CCSER1: variants seen among roughly 807,000 people sequenced by gnomAD.
The protein encoded by CCSER1 is serine-rich coiled-coil domain-containing protein 1.
CCSER1 carries 41 observed loss-of-function variants against 82.0 expected under a neutral mutation model. The ratio of observed to expected loss-of-function variants is 0.50; its 90% confidence interval spans 0.39 to 0.65. CCSER1 has a LOEUF of 0.65. CCSER1 is among the 30% of genes least tolerant of loss of function. CCSER1 has a pLI of 0.00. For missense variants in CCSER1, 1,119 were observed against 1,064.2 expected (o/e 1.05, Z -0.72); for synonymous variants, 414 against 383.9 (o/e 1.08, Z -0.92).
intron 10 of CCSER1, among the ~76,000 whole-genome samples, chr4:91,596,204 T>TATTCA (rs1196165234): frequency 2.0e-5 from 3 of 151,992 alleles, no homozygotes; most frequent in Non-Finnish European, 4.4e-5. Flanking sequence ...TAAAACTGTA[T>TATTCA]ATTCAATTTA....
chr4:91,506,145 T>C (rs759576349), intron 10 of CCSER1, among the ~76,000 whole-genome samples: 2 of 152,216 alleles, frequency 1.3e-5, no homozygotes, highest in Non-Finnish European at 2.9e-5. Context: ...TTCAGTTTTC[T>C]GCATATGGCT....
chr4:90,369,643 A>G (rs1362255544), intron 3 of CCSER1, among the ~76,000 whole-genome samples: 1 of 152,030 alleles, frequency 6.6e-6, no homozygotes, highest in Non-Finnish European at 1.5e-5. Context: ...TTGGGAGTGT[A>G]CTAATATAAA....
intron 9 of CCSER1, among the ~76,000 whole-genome samples, chr4:90,938,222 CTT>C (rs985151484): frequency 6.6e-6 from 1 of 151,794 alleles, no homozygotes; most frequent in African/African-American, 2.4e-5. Context: ...TCTGTTGAAA[CTT>C]TGTGTTTATT....
intron 10 of CCSER1, among the ~76,000 whole-genome samples, chr4:91,392,041 T>C (rs1422755407): frequency 6.6e-6 from 1 of 152,128 alleles, no homozygotes; most frequent in Non-Finnish European, 1.5e-5. Flanking sequence ...GCAATTGTAC[T>C]CTATTTGTAG....
chr4:91,235,913 A>ATTAATAGTAATT (rs1560534950), intron 10 of CCSER1, among the ~76,000 whole-genome samples: 5 of 152,232 alleles, frequency 3.3e-5, no homozygotes. Flanking sequence ...CATAATTACT[A>ATTAATAGTAATT]TTAATAGGAT....
chr4:90,710,687 A>G (rs995100171), intron 6 of CCSER1, among the ~76,000 whole-genome samples: 2 of 151,952 alleles, frequency 1.3e-5, no homozygotes, highest in East Asian at 1.9e-4. Flanking sequence ...TCATTGGTCT[A>G]TGTGTCTGTT....
In CCSER1 at chr4:91,467,711, C is replaced by G. The variant is rs540540998; in HGVS notation, c.2218-130861C>G. On this transcript the variant is annotated intron_variant, in intron 10 of 10. Coordinates refer to ENST00000509176, the MANE Select transcript of CCSER1 (RefSeq NM_001145065.2). Reference sequence around the variant, plus strand: ...GCAAAGGATATGAACAGACACTTCTCAAAAGAAGACATGTATGCAGCCAAC... The same window carrying G: ...GCAAAGGATATGAACAGACACTTCTGAAAAGAAGACATGTATGCAGCCAAC... Among the ~76,000 whole-genome samples the G allele has an allele frequency of 1.8e-4, 28 of 152,274 alleles. No individual in the cohort carries two copies. In the South Asian group the frequency reaches 5.6e-3, roughly 30 times the overall value.
At chr4:90,479,444 A>T (rs547827752) in intron 5 of CCSER1, among the ~76,000 whole-genome samples, 1 of 152,092 alleles carries the variant, frequency 6.6e-6, no homozygotes, top group Non-Finnish European at 1.5e-5. Context: ...TTTGTTACAT[A>T]TATACATGTG....
At chr4:91,273,662 G>T (rs1742209917) in intron 10 of CCSER1, among the ~76,000 whole-genome samples, 1 of 152,106 alleles carries the variant, frequency 6.6e-6, no homozygotes, top group South Asian at 2.1e-4. Context: ...AGTGGTGAGA[G>T]TGGGCATCCT....
At chr4:90,547,633 C>T (rs868735637) in intron 5 of CCSER1, among the ~76,000 whole-genome samples, 1 of 151,932 alleles carries the variant, frequency 6.6e-6, no homozygotes, top group African/African-American at 2.4e-5. Context: ...ATTCTGAATT[C>T]GAGAAAGCAT....
chr4:90,181,372 T>C (rs1200453762), intron 1 of CCSER1, among the ~76,000 whole-genome samples: 1 of 152,124 alleles, frequency 6.6e-6, no homozygotes. Context: ...GCAAAAGTAA[T>C]GAACTTTTGG....
chr4:90,363,554 T>C (rs1745757070), intron 3 of CCSER1, among the ~76,000 whole-genome samples: 2 of 151,916 alleles, frequency 1.3e-5, no homozygotes, highest in Admixed American at 1.3e-4. Context: ...CTTATCCAAA[T>C]GCAACTTGGC....
At chr4:90,579,752 A>G (rs1781216773) in intron 5 of CCSER1, among the ~76,000 whole-genome samples, 1 of 152,130 alleles carries the variant, frequency 6.6e-6, no homozygotes, top group Non-Finnish European at 1.5e-5. Flanking sequence ...GAGGAATAGT[A>G]TTGGGGTAAT....
intron 10 of CCSER1, among the ~76,000 whole-genome samples, chr4:91,221,282 G>T (rs1373554461): frequency 6.6e-6 from 1 of 151,992 alleles, no homozygotes; most frequent in Non-Finnish European, 1.5e-5. Context: ...TTGATTATGT[G>T]TAAGAAATAA....
At chr4:91,381,880 A>C (rs1478359778) in intron 10 of CCSER1, among the ~76,000 whole-genome samples, 1 of 151,932 alleles carries the variant, frequency 6.6e-6, no homozygotes, top group Non-Finnish European at 1.5e-5. Context: ...GGTTTTATCT[A>C]CCTTTGGTCT....
intron 1 of CCSER1, among the ~76,000 whole-genome samples, chr4:90,278,185 G>A (rs1454278179): frequency 1.3e-5 from 2 of 152,064 alleles, no homozygotes; most frequent in African/African-American, 4.8e-5. Flanking sequence ...AATGGCAGAT[G>A]TTGATGAAGA....
In CCSER1 at chr4:90,865,822, A is replaced by G. The variant is rs539213028; in HGVS notation, c.2094+49977A>G. Among the ~76,000 whole-genome samples, 74 of 152,072 alleles carry G rather than the reference A, an allele frequency of 4.9e-4. No homozygotes were observed. In the South Asian group the frequency reaches 7.3e-3, roughly 15 times the overall value. On this transcript the variant is annotated intron_variant, in intron 8 of 10. Transcript: ENST00000509176. ...TATTAGTCCATGCTTGCACTGCTATATAGAAATACCTGAGACTGGATAATT... is the reference window on the plus strand; with the variant it reads ...TATTAGTCCATGCTTGCACTGCTATGTAGAAATACCTGAGACTGGATAATT...
intron 10 of CCSER1, among the ~76,000 whole-genome samples, chr4:91,541,662 A>G (rs1761606763): frequency 6.6e-6 from 1 of 152,108 alleles, no homozygotes; most frequent in Non-Finnish European, 1.5e-5. Flanking sequence ...AATCTTTGCT[A>G]TTGTGAATAG....
chr4:90,437,860 A>G (rs1759262679), intron 4 of CCSER1, among the ~76,000 whole-genome samples: 1 of 152,144 alleles, frequency 6.6e-6, no homozygotes, highest in South Asian at 2.1e-4. Flanking sequence ...AGAACTGAAT[A>G]GCCAGAGGTG....
Sources: gnomAD v4.1 joint callset for allele counts (sites outside exome capture counted in the v4.1 genomes callset) on GRCh38, gnomAD v4.1.1 for gene constraint, MANE v1.5 for transcripts, NCBI Gene and HGNC (gene_info 2026-07-23, HGNC 2026-07-21) for gene names.